The following PRRX2 variants were observed in gnomAD, a reference collection of about 807,000 sequenced individuals.
PRRX2 encodes the protein paired mesoderm homeobox protein 2.
A neutral mutation model predicts 18.0 loss-of-function variants in PRRX2; 11 were observed. The ratio of observed to expected loss-of-function variants is 0.61; its 90% CI spans 0.39 to 1.01. The LOEUF is 1.01. Ranked by LOEUF, PRRX2 falls within the 50% of genes least tolerant of loss-of-function variation. The pLI, the probability that PRRX2 is intolerant of heterozygous loss-of-function variation, is 0.01. For missense variants in PRRX2, 387 were observed against 351.0 expected (o/e 1.10, Z -0.82); for synonymous variants, 177 against 154.8 (o/e 1.14, Z -1.06).
chr9:129,701,785 T>C (rs574597286), intron 1 of PRRX2, among the ~76,000 whole-genome samples: 2 of 152,342 alleles, frequency 1.3e-5, no homozygotes, highest in East Asian at 3.9e-4. Context: ...TCGTGGGATT[T>C]GTAGGAGATT....
chr9:129,666,671 G>A lies in PRRX2; in HGVS notation c.259+545G>A, dbSNP rs557523926. 1.0e-3 allele frequency among the ~76,000 whole-genome samples: 158 copies of A among 151,722 alleles called. 1 individual carries two copies. Among genetic ancestry groups the A allele is most frequent in the African/African-American group, 3.7e-3 (151 of 41,326 alleles). The stretch of plus-strand genomic sequence containing the variant: ...GCAGAGGTCAAAGGTCATCAGGAAG[G>A]GGCTTTAAAAACAAACAACCCACCC... On this transcript the variant is annotated intron_variant, in intron 1 of 3. Coordinates refer to ENST00000372469, the MANE Select transcript of PRRX2 (RefSeq NM_016307.4).
chr9:129,694,805 TG>T (rs1482323851), intron 1 of PRRX2, among the ~76,000 whole-genome samples: 1 of 152,098 alleles, frequency 6.6e-6, no homozygotes, highest in Non-Finnish European at 1.5e-5. Context: ...GGGGAGTCCA[TG>T]GGGGGCAGCG....
In PRRX2 at chr9:129,695,345, T is replaced by C. The variant is rs148502230; in HGVS notation, c.260-23886T>C. 7.9e-3 allele frequency among the ~76,000 whole-genome samples: 1,208 copies of C among 152,302 alleles called. 7 individuals carry two copies. Among genetic ancestry groups the C allele is most frequent in the Admixed American group, 0.018 (282 of 15,290 alleles). On this transcript the variant is annotated intron_variant, in intron 1 of 3. Coordinates refer to ENST00000372469, the MANE Select transcript of PRRX2 (RefSeq NM_016307.4). The surrounding 1 kb of genome is among the most constrained non-coding windows in gnomAD (Gnocchi z 4.8). ...TGTGACCTGAAATTGCCACCAGCTG[T>C]CTTTAGCCCCAGAGGAAACTGTCTT...
At chr9:129,701,962 C>G (rs899014145) in intron 1 of PRRX2, among the ~76,000 whole-genome samples, 2 of 152,002 alleles carry the variant, frequency 1.3e-5, no homozygotes, top group Non-Finnish European at 2.9e-5. Flanking sequence ...TTAGTCAGGC[C>G]TGATGCCGGG....
At chr9:129,711,878 C>G (rs1472611148) in intron 1 of PRRX2, among the ~76,000 whole-genome samples, 2 of 152,168 alleles carry the variant, frequency 1.3e-5, no homozygotes, top group Non-Finnish European at 2.9e-5. Flanking sequence ...TCAAGCCTCC[C>G]TCAGGGCCAC....
At position 129,665,693 on chromosome 9, in the gene PRRX2, A is replaced by G; in HGVS notation, c.-175A>G. On this transcript the variant is annotated 5_prime_UTR_variant, in exon 1 of 4. Coordinates refer to ENST00000372469, the MANE Select transcript of PRRX2 (RefSeq NM_016307.4). This position sits in a 1 kb window ranked among gnomAD's most constrained non-coding sequence, Gnocchi z 5.3. Reference sequence around the variant, plus strand: ...GCGAGCGGCCGTGGCTGAGAAGGGGAGGGCGGAAAGTTTGTTTCCCCGACG... The same window carrying G: ...GCGAGCGGCCGTGGCTGAGAAGGGGGGGGCGGAAAGTTTGTTTCCCCGACG... 1 of 297,594 alleles carries G rather than the reference A, an allele frequency of 3.4e-6. No individual in the cohort carries two copies. Among genetic ancestry groups the G allele is most frequent in the Non-Finnish European group, 5.0e-6 (1 of 198,858 alleles). 18.4% of individuals were successfully genotyped at this position (297,594 alleles called of 1,614,324 possible). A position where few individuals can be genotyped will look rare whatever the true frequency, so the allele number is the denominator to read the frequency against.
chr9:129,674,156 T>C (rs1832136132), intron 1 of PRRX2, among the ~76,000 whole-genome samples: 1 of 152,112 alleles, frequency 6.6e-6, no homozygotes. Context: ...CCCTGGTTGC[T>C]CTCGCTGCCC....
chr9:129,688,757 A>T (rs896649348), intron 1 of PRRX2, among the ~76,000 whole-genome samples: 1 of 152,198 alleles, frequency 6.6e-6, no homozygotes, highest in African/African-American at 2.4e-5. Flanking sequence ...GCAAACGTGC[A>T]CAGGGGTTCT....
intron 1 of PRRX2, among the ~76,000 whole-genome samples, chr9:129,693,389 T>A (rs1353072009): frequency 6.6e-6 from 1 of 151,118 alleles, no homozygotes; most frequent in Non-Finnish European, 1.5e-5. Flanking sequence ...AGGTCAGGAG[T>A]TCAAGACAAG....
intron 1 of PRRX2, among the ~76,000 whole-genome samples, chr9:129,684,460 C>CACACACACACACACA (rs1415884580): frequency 0.07 from 8,694 of 125,020 alleles, 460 homozygotes; most frequent in Middle Eastern, 0.097. Flanking sequence ...ACACACACAC[C>CACACACACACACACA]CAACAGAAAA....
At position 129,719,241 on chromosome 9, in the gene PRRX2, C is replaced by T. The variant is rs1832754791; in HGVS notation, c.270C>T (p.Pro90=). 3.1e-6 allele frequency: 5 copies of T among 1,594,254 alleles called. No homozygotes were observed. In the South Asian group the frequency reaches 4.5e-5, roughly 14 times the overall value. The change falls in exon 2 of 4, where the codon CCC becomes CCT. Residue 90 remains proline (P), a synonymous_variant. Transcript: ENST00000372469. ...SEAAPQDGEC[P]SPGRGSAAKR... ...CCCCAACCTCCGCAGGTGAGTGTCCCAGCCCGGGGCGCGGTAGCGCCGCCA... is the reference window on the plus strand; with the variant it reads ...CCCCAACCTCCGCAGGTGAGTGTCCTAGCCCGGGGCGCGGTAGCGCCGCCA...
In PRRX2 at chr9:129,665,781, G is replaced by GAAGATGCAGGGCGCGTGGTCGGCGGCA; in HGVS notation, c.-87_-86insAAGATGCAGGGCGCGTGGTCGGCGGCA. 2.1e-6 allele frequency: 2 copies of GAAGATGCAGGGCGCGTGGTCGGCGGCA among 938,614 alleles called. No homozygotes were observed. Among genetic ancestry groups the GAAGATGCAGGGCGCGTGGTCGGCGGCA allele is most frequent in the Non-Finnish European group, 2.6e-6 (2 of 782,274 alleles). 58.1% of individuals were successfully genotyped at this position (938,614 alleles called of 1,614,324 possible). ...GAGCTGGGCAGAGCGCGGGGCGGCC[G>GAAGATGCAGGGCGCGTGGTCGGCGGCA]GGGCTCTCGCTCCGACCCGCGCCCG... On this transcript the variant is annotated 5_prime_UTR_variant, in exon 1 of 4. The change creates a new upstream start codon in the 5' untranslated region. Transcript: ENST00000372469. This position sits in a 1 kb window ranked among gnomAD's most constrained non-coding sequence, Gnocchi z 5.3.
chr9:129,665,983 CG>C lies in PRRX2; in HGVS notation c.118del (p.Val40Ter). 8.8e-7 allele frequency: 1 copy of C among 1,138,182 alleles called. No homozygotes were observed. Among genetic ancestry groups the C allele is most frequent in the South Asian group, 2.2e-5 (1 of 44,590 alleles). The allele number at this position is 1,138,182 out of a possible 1,614,324, so 70.5% of individuals were successfully genotyped here. A position where few individuals can be genotyped will look rare whatever the true frequency, so the allele number is the denominator to read the frequency against. ...TGCGCCCAGGCGCGCAAGAACTTCTCGGTGAGCCACCTCCTGGACCTGGAAG... is the reference window on the plus strand; with the variant it reads ...TGCGCCCAGGCGCGCAAGAACTTCTCGTGAGCCACCTCCTGGACCTGGAAG... ...GDCAQARKNF[S>X]VSHLLDLEEV... On this transcript the variant is annotated frameshift_variant, in exon 1 of 4. Transcript: ENST00000372469. LOFTEE classifies it high-confidence loss of function. The surrounding 1 kb of genome is among the most constrained non-coding windows in gnomAD (Gnocchi z 5.3).
intron 3 of PRRX2, among the ~76,000 whole-genome samples, chr9:129,721,060 C>T (rs548226371): frequency 2.6e-5 from 4 of 152,326 alleles, no homozygotes; most frequent in East Asian, 3.8e-4. Flanking sequence ...TGCAAAGGAG[C>T]GTGCAAGCAT....
intron 1 of PRRX2, among the ~76,000 whole-genome samples, chr9:129,704,418 G>A (rs1285954766): frequency 6.6e-6 from 1 of 152,144 alleles, no homozygotes. Context: ...ACACACGGGG[G>A]CAATTTTTCT....
chr9:129,669,318 G>T (rs956006297), intron 1 of PRRX2, among the ~76,000 whole-genome samples: 4 of 152,236 alleles, frequency 2.6e-5, no homozygotes, highest in African/African-American at 9.6e-5. Context: ...TTCCTTCCTC[G>T]CCAGTCAAAC....
chr9:129,711,119 C>T (rs923409242), intron 1 of PRRX2, among the ~76,000 whole-genome samples: 8 of 152,108 alleles, frequency 5.3e-5, no homozygotes, highest in African/African-American at 1.7e-4. Context: ...AGGGAGACCC[C>T]CAGAATCCCA....
rs142824667 is a variant in PRRX2 at position 129,703,166 on chromosome 9, C to T, written c.260-16065C>T. 6.4e-4 allele frequency among the ~76,000 whole-genome samples: 98 copies of T among 152,338 alleles called. No individual in the cohort carries two copies. The East Asian group carries it at 7.3e-3, about 11-fold the overall frequency. ...TGGTGAGGCTGTCCTGGGTGGGGCA[C>T]AGCAGCTGGTGGGTACCTGGTGGAG... On this transcript the variant is annotated intron_variant, in intron 1 of 3. Transcript: ENST00000372469.
chr9:129,720,296 G>A (rs1162713745), intron 2 of PRRX2, among the ~76,000 whole-genome samples: 1 of 151,816 alleles, frequency 6.6e-6, no homozygotes, highest in African/African-American at 2.4e-5. Flanking sequence ...TGCTCAGCAA[G>A]CGCCTTTCCC....
Sources: allele counts gnomAD v4.1 joint callset (sites outside exome capture counted in the v4.1 genomes callset), GRCh38; gene constraint gnomAD v4.1.1; non-coding constraint Gnocchi (gnomAD v3.1); transcripts MANE v1.5; gene names NCBI Gene and HGNC (gene_info 2026-07-23, HGNC 2026-07-21).